Variants in APOLD1 observed in about 807,000 individuals in gnomAD.
The protein encoded by APOLD1 is apolipoprotein L domain-containing protein 1.
In APOLD1, 22 loss-of-function variants were observed where a neutral mutation model predicts 15.3. The ratio of observed to expected loss-of-function variants is 1.44; its 90% confidence interval spans 1.03 to 2.05. APOLD1 has a LOEUF of 2.05. Among genes scored for constraint, APOLD1 ranks in the 30% most tolerant of loss-of-function variants. The pLI, the probability that APOLD1 is intolerant of heterozygous loss-of-function variation, is 0.00. For missense variants in APOLD1, 394 were observed against 353.5 expected, an observed-to-expected ratio of 1.11 and a Z score of -0.92; for synonymous variants, 190 against 167.4, an observed-to-expected ratio of 1.13 and a Z score of -1.04.
rs561568599 is a variant in APOLD1, at chr12:12,787,691, A to G, written c.*39A>G. On this transcript the variant is annotated 3_prime_UTR_variant, in exon 2 of 2. Transcript: ENST00000356591. This position sits in a 1 kb window ranked among gnomAD's most constrained non-coding sequence, Gnocchi z 4.9. ...CCCTAATGACCGAGGCCAGCAAATC[A>G]TCCTCATGGGATGCTCCAGAATTTG... 1.9e-6 allele frequency: 3 copies of G among 1,541,716 alleles called. No homozygotes were observed. The South Asian group carries it at 3.7e-5, about 19-fold the overall frequency.
At position 12,790,719 on chromosome 12, in the gene APOLD1, A is replaced by G. The variant is rs1947178628; in HGVS notation, c.*3067A>G. ...TATAATTAACTGTTTAGCTATCTTA[A>G]TGAGAATTTGTTGACAACAAAAGAT... is the stretch of plus-strand genomic sequence containing the variant. On this transcript the variant is annotated 3_prime_UTR_variant, in exon 2 of 2. Transcript: ENST00000356591. 6.6e-6 allele frequency: 1 copy of G among 152,248 alleles called. No individual in the cohort carries two copies. The highest frequency in any genetic ancestry group is 1.5e-5 in the Non-Finnish European group (1 of 68,044). 9.4% of individuals were successfully genotyped at this position (152,248 alleles called of 1,614,324 possible).
intron 1 of APOLD1, among the ~76,000 whole-genome samples, chr12:12,757,385 C>G (rs1029477693): frequency 9.2e-5 from 14 of 152,318 alleles, no homozygotes; most frequent in Non-Finnish European, 1.9e-4. Context: ...CCCCGCATGA[C>G]AGCTGGGACA....
At chr12:12,726,310 G>A (rs946434017) in intron 1 of APOLD1, 11 of 660,736 alleles carry the variant, frequency 1.7e-5, no homozygotes, top group African/African-American at 1.6e-4. Flanking sequence ...GTTTTTGCGG[G>A]AGGAATATGT....
intron 1 of APOLD1, among the ~76,000 whole-genome samples, chr12:12,740,566 A>T (rs775644705): frequency 2.2e-4 from 34 of 152,176 alleles, no homozygotes; most frequent in Non-Finnish European, 2.1e-4. Context: ...AACTAGGTGA[A>T]CCTAATATCC....
intron 1 of APOLD1, among the ~76,000 whole-genome samples, chr12:12,756,795 C>CT (rs958443763): frequency 2.3e-4 from 35 of 150,998 alleles, no homozygotes; most frequent in East Asian, 9.7e-4. Context: ...TGCTTTTTTT[C>CT]TTTTTTTTTG....
intron 1 of APOLD1, among the ~76,000 whole-genome samples, chr12:12,767,570 A>C (rs1692951010): frequency 6.6e-6 from 1 of 152,090 alleles, no homozygotes; most frequent in African/African-American, 2.4e-5. Context: ...CTGAAGCATG[A>C]GAATTGCTTG....
At chr12:12,731,620 T>G (rs148472652) in intron 1 of APOLD1, among the ~76,000 whole-genome samples, 126 of 152,300 alleles carry the variant, frequency 8.3e-4, no homozygotes, top group Middle Eastern at 3.4e-3. Context: ...GCAAAGGATA[T>G]GAACACAGTT....
At chr12:12,774,546 C>CAAAAAAAAAAAAAAAAAAA (rs57343706) in intron 1 of APOLD1, among the ~76,000 whole-genome samples, 36 of 42,296 alleles carry the variant, frequency 8.5e-4, no homozygotes, top group East Asian at 1.9e-3. Flanking sequence ...ACTCTAACTC[C>CAAAAAAAAAAAAAAAAAAA]AAAAAAAAAA....
At chr12:12,734,418 T>C (rs1379312849) in intron 1 of APOLD1, among the ~76,000 whole-genome samples, 3 of 152,228 alleles carry the variant, frequency 2.0e-5, no homozygotes. Context: ...GTGACTGACC[T>C]GGGGCAAATC....
chr12:12,728,848 C>A (rs2136365571), intron 1 of APOLD1, among the ~76,000 whole-genome samples: 1 of 152,280 alleles, frequency 6.6e-6, no homozygotes, highest in South Asian at 2.1e-4. Context: ...GGAGACAGAG[C>A]AGTATGCTCA....
chr12:12,786,948 G>A lies in APOLD1; in HGVS notation c.43G>A (p.Asp15Asn), dbSNP rs911406040. 18 of 1,459,652 alleles carry A rather than the reference G, an allele frequency of 1.2e-5. No homozygotes were observed. Among genetic ancestry groups the A allele is most frequent in the Admixed American group, 2.6e-5 (1 of 37,736 alleles). The allele number at this position is 1,459,652 out of a possible 1,614,324, so 90.4% of individuals were successfully genotyped here. A position where few individuals can be genotyped will look rare whatever the true frequency, so the allele number is the denominator to read the frequency against. Residue 15 changes from aspartate (D) to asparagine (N), a missense_variant, in exon 2 of 2, where the codon GAC (aspartate) becomes AAC (asparagine). Transcript: ENST00000356591. ...RPAAREPHGP[D>N]ALRRFQGLLL... Reference sequence around the variant, plus strand: ...GGCGGCCCGGGAGCCGCATGGGCCCGACGCGCTGCGGCGCTTCCAGGGACT... The same window carrying A: ...GGCGGCCCGGGAGCCGCATGGGCCCAACGCGCTGCGGCGCTTCCAGGGACT...
intron 1 of APOLD1, among the ~76,000 whole-genome samples, chr12:12,752,082 T>C (rs559176754): frequency 4.6e-5 from 7 of 152,204 alleles, no homozygotes; most frequent in Non-Finnish European, 1.0e-4. Context: ...TCAAGAGCTA[T>C]TGAGAATAAA....
At chr12:12,744,851 T>A (rs1946753765) in intron 1 of APOLD1, among the ~76,000 whole-genome samples, 1 of 152,130 alleles carries the variant, frequency 6.6e-6, no homozygotes, top group African/African-American at 2.4e-5. Context: ...ATGTAGAGTG[T>A]CTGTCTGCCC....
intron 1 of APOLD1, among the ~76,000 whole-genome samples, chr12:12,767,142 A>C (rs570319525): frequency 6.6e-6 from 1 of 152,232 alleles, no homozygotes; most frequent in South Asian, 2.1e-4. Flanking sequence ...GCTACTCAGG[A>C]GGCTGAGGCA....
At chr12:12,778,526 C>G (rs1245169452) in intron 1 of APOLD1, among the ~76,000 whole-genome samples, 2 of 150,498 alleles carry the variant, frequency 1.3e-5, no homozygotes, top group East Asian at 4.0e-4. Context: ...TGGGTTCTCA[C>G]TGTGTTGCCC....
In APOLD1 at chr12:12,760,281, G is replaced by A. The variant is rs180884342; in HGVS notation, c.97-26628G>A. On this transcript the variant is annotated intron_variant, in intron 1 of 1. Coordinates refer to the APOLD1 transcript ENST00000326765. Reference sequence around the variant, plus strand: ...GCAGAGGCTGCAGTGAGCCATGATCGTGCCACTGTACTCCAGCCTGGGTGA... The same window carrying A: ...GCAGAGGCTGCAGTGAGCCATGATCATGCCACTGTACTCCAGCCTGGGTGA... Among the ~76,000 whole-genome samples, 119 of 152,084 alleles carry A rather than the reference G, an allele frequency of 7.8e-4. 1 individual carries two copies. Among genetic ancestry groups the A allele is most frequent in the East Asian group, 7.7e-4 (4 of 5,174 alleles).
chr12:12,729,924 A>G (rs1946622932), intron 1 of APOLD1, among the ~76,000 whole-genome samples: 1 of 151,722 alleles, frequency 6.6e-6, no homozygotes, highest in Admixed American at 6.6e-5. Flanking sequence ...CTGGAGTGCA[A>G]TGACTCATTG....
At chr12:12,784,089 T>C (rs1947106853), upstream of APOLD1, among the ~76,000 whole-genome samples, 1 of 152,200 alleles carries the variant, frequency 6.6e-6, no homozygotes, top group Non-Finnish European at 1.5e-5. Flanking sequence ...GTATACACGC[T>C]GTCTATTTTC....
At chr12:12,729,797 A>T (rs1300858910) in intron 1 of APOLD1, among the ~76,000 whole-genome samples, 1 of 151,880 alleles carries the variant, frequency 6.6e-6, no homozygotes, top group Non-Finnish European at 1.5e-5. Context: ...AAAATAATTT[A>T]AAAAGCAATG....
Sources: gnomAD v4.1 joint callset for allele counts (sites outside exome capture counted in the v4.1 genomes callset) on GRCh38, gnomAD v4.1.1 for gene constraint, Gnocchi (gnomAD v3.1) non-coding constraint, MANE v1.5 for transcripts, NCBI Gene and HGNC (gene_info 2026-07-23, HGNC 2026-07-21) for gene names.